The following ADGRB3 variants were observed in gnomAD, a reference collection of about 807,000 sequenced individuals.
ADGRB3 encodes the protein brain-specific angiogenesis inhibitor 3.
ADGRB3 carries 37 observed loss-of-function variants against 193.4 expected under a neutral mutation model. The observed-to-expected ratio is 0.19, with a 90% confidence interval of 0.15 to 0.25. The LOEUF (loss-of-function observed/expected upper bound fraction) is 0.25. ADGRB3 is among the 10% of genes least tolerant of loss of function. ADGRB3 has a pLI of 1.00. For synonymous variants in ADGRB3, 690 were observed against 644.2 expected, an observed-to-expected ratio of 1.07 and a Z score of -1.08; for missense variants, 1,637 against 1,852.9, an observed-to-expected ratio of 0.88 and a Z score of 2.14.
At chr6:69,146,097 GT>G (rs1266539841) in intron 17 of ADGRB3, among the ~76,000 whole-genome samples, 1 of 152,054 alleles carries the variant, frequency 6.6e-6, no homozygotes, top group Non-Finnish European at 1.5e-5. Context: ...TACTTGCCTC[GT>G]ACCACTTTTT....
chr6:69,271,913 T>C (rs1363110354), intron 20 of ADGRB3, among the ~76,000 whole-genome samples: 1 of 152,216 alleles, frequency 6.6e-6, no homozygotes, highest in East Asian at 1.9e-4. Context: ...AATTTTTCCT[T>C]GCTTATAAAA....
chr6:69,226,328 TG>T (rs1342586566), intron 17 of ADGRB3, among the ~76,000 whole-genome samples: 1 of 152,234 alleles, frequency 6.6e-6, no homozygotes, highest in African/African-American at 2.4e-5. Flanking sequence ...GAATGAATGA[TG>T]TAGGAAACTC....
At chr6:68,722,884 A>G (rs973347833) in intron 3 of ADGRB3, among the ~76,000 whole-genome samples, 6 of 151,656 alleles carry the variant, frequency 4.0e-5, no homozygotes, top group African/African-American at 1.2e-4. Context: ...GAACAAGCAA[A>G]CAAACAAACA....
At chr6:69,172,214 G>T (rs1775287986) in intron 17 of ADGRB3, among the ~76,000 whole-genome samples, 1 of 152,128 alleles carries the variant, frequency 6.6e-6, no homozygotes, top group African/African-American at 2.4e-5. Context: ...TGTAGACACT[G>T]TGTACTTTGA....
At chr6:69,247,006 C>G (rs1258298379) in intron 20 of ADGRB3, among the ~76,000 whole-genome samples, 1 of 152,146 alleles carries the variant, frequency 6.6e-6, no homozygotes, top group Non-Finnish European at 1.5e-5. Flanking sequence ...TTGATCAATT[C>G]TACTCTCCAT....
intron 20 of ADGRB3, among the ~76,000 whole-genome samples, chr6:69,298,074 T>C (rs767292923): frequency 1.4e-4 from 22 of 152,070 alleles, no homozygotes; most frequent in Non-Finnish European, 2.9e-4. Flanking sequence ...CTTTTCCTTA[T>C]AAAAGAAAAA....
Position 69,021,267 on chromosome 6 carries a change from A to C in ADGRB3, c.2107+2768A>C, listed in dbSNP as rs7762079. ...AATCATAATGTATTTTAGAGAGATTATAAATTATTTTTTCATAAAGTCTAT... is the reference window on the plus strand; with the variant it reads ...AATCATAATGTATTTTAGAGAGATTCTAAATTATTTTTTCATAAAGTCTAT... On this transcript the variant is annotated intron_variant, in intron 13 of 31. Coordinates refer to ENST00000370598, the MANE Select transcript of ADGRB3 (RefSeq NM_001704.3). Among the ~76,000 whole-genome samples, 1,321 of 152,070 alleles carry C rather than the reference A, an allele frequency of 8.7e-3. 20 individuals are homozygous for C. The highest frequency in any genetic ancestry group is 0.03 in the African/African-American group (1,261 of 41,536).
At chr6:68,840,070 A>G (rs1215597016) in intron 3 of ADGRB3, among the ~76,000 whole-genome samples, 4 of 152,182 alleles carry the variant, frequency 2.6e-5, no homozygotes, top group Non-Finnish European at 5.9e-5. Context: ...AGTTCTGGCA[A>G]AACTCACCAC....
chr6:68,867,862 C>T (rs1765342542), intron 3 of ADGRB3, among the ~76,000 whole-genome samples: 1 of 152,196 alleles, frequency 6.6e-6, no homozygotes, highest in Admixed American at 6.5e-5. Context: ...CAATTTCTCC[C>T]TTTTGCAATG....
intron 10 of ADGRB3, among the ~76,000 whole-genome samples, chr6:68,991,216 A>T (rs1031735871): frequency 6.6e-6 from 1 of 152,150 alleles, no homozygotes; most frequent in Non-Finnish European, 1.5e-5. Context: ...CTATGACCTA[A>T]CAACCTAAGC....
intron 20 of ADGRB3, among the ~76,000 whole-genome samples, chr6:69,245,026 G>T (rs1766467357): frequency 6.6e-6 from 1 of 151,854 alleles, no homozygotes; most frequent in African/African-American, 2.4e-5. Context: ...CCAGTCTTTT[G>T]CATTCGGAGG....
Position 69,248,557 on chromosome 6 carries a change from G to A in ADGRB3, c.2814+9331G>A, listed in dbSNP as rs544903943. Among the ~76,000 whole-genome samples the A allele has an allele frequency of 4.6e-5, 7 of 152,292 alleles. 1 individual carries two copies. Among genetic ancestry groups the A allele is most frequent in the African/African-American group, 1.4e-4 (6 of 41,584 alleles). Reference sequence around the variant, plus strand: ...GTAGGAGAGAACTCCTTTGACAAATGCTCCATAATGTAATTCAGAGGTTGG... The same window carrying A: ...GTAGGAGAGAACTCCTTTGACAAATACTCCATAATGTAATTCAGAGGTTGG... On this transcript the variant is annotated intron_variant, in intron 20 of 31. Coordinates refer to ENST00000370598, the MANE Select transcript of ADGRB3 (RefSeq NM_001704.3).
chr6:69,215,149 C>A (rs760090526), intron 17 of ADGRB3, among the ~76,000 whole-genome samples: 2 of 152,010 alleles, frequency 1.3e-5, no homozygotes, highest in South Asian at 4.1e-4. Flanking sequence ...AGTACAGAAC[C>A]CTGCAGTAGA....
At chr6:69,343,196 T>A (rs935372189) in intron 26 of ADGRB3, among the ~76,000 whole-genome samples, 29 of 151,754 alleles carry the variant, frequency 1.9e-4, no homozygotes, top group African/African-American at 3.1e-4. Context: ...TTTTTTTTTT[T>A]ATTATACTTT....
intron 8 of ADGRB3, among the ~76,000 whole-genome samples, chr6:68,959,776 T>A (rs1768182298): frequency 6.6e-6 from 1 of 152,128 alleles, no homozygotes; most frequent in South Asian, 2.1e-4. Flanking sequence ...AAACATTTTT[T>A]AAAAATAATG....
chr6:68,795,217 C>G (rs1767183150), intron 3 of ADGRB3, among the ~76,000 whole-genome samples: 1 of 151,740 alleles, frequency 6.6e-6, no homozygotes, highest in South Asian at 2.1e-4. Flanking sequence ...AAACTTATCA[C>G]TTTAATAATC....
intron 13 of ADGRB3, among the ~76,000 whole-genome samples, chr6:69,037,615 A>C (rs1770910267): frequency 6.6e-6 from 1 of 151,786 alleles, no homozygotes; most frequent in African/African-American, 2.4e-5. Flanking sequence ...TTATTAAACT[A>C]TCCCTTTCTA....
chr6:69,329,099 A>G (rs911773522), intron 22 of ADGRB3, among the ~76,000 whole-genome samples: 5 of 114,416 alleles, frequency 4.4e-5, no homozygotes, highest in Non-Finnish European at 7.6e-5. Flanking sequence ...CTGAATCTCT[A>G]TTAGTATATC....
intron 20 of ADGRB3, among the ~76,000 whole-genome samples, chr6:69,314,538 ATGT>A (rs1455456684): frequency 6.6e-6 from 1 of 151,624 alleles, no homozygotes; most frequent in African/African-American, 2.4e-5. Flanking sequence ...TGAAGAGATG[ATGT>A]TTCCTCATCA....
Sources: allele counts gnomAD v4.1 joint callset (sites outside exome capture counted in the v4.1 genomes callset), GRCh38; gene constraint gnomAD v4.1.1; transcripts MANE v1.5; gene names NCBI Gene and HGNC (gene_info 2026-07-23, HGNC 2026-07-21).